Variants in PKD1L1 observed in about 807,000 individuals in gnomAD.
PKD1L1 encodes the protein polycystin-1-like protein 1.
Under a neutral mutation model 323.4 loss-of-function variants are expected in PKD1L1, and 236 were observed. The ratio of observed to expected loss-of-function variants is 0.73; its 90% CI spans 0.66 to 0.81. The LOEUF (loss-of-function observed/expected upper bound fraction) is 0.81. Among genes scored for constraint, PKD1L1 ranks in the 40% least tolerant of loss-of-function variants. PKD1L1 has a pLI of 0.00. For synonymous variants in PKD1L1, 1,344 were observed against 1,335.0 expected (o/e 1.01, Z -0.15); for missense variants, 3,320 against 3,508.0 (o/e 0.95, Z 1.35).
intron 31 of PKD1L1, among the ~76,000 whole-genome samples, chr7:47,847,304 A>G (rs1785686346): frequency 6.6e-6 from 1 of 152,178 alleles, no homozygotes; most frequent in Non-Finnish European, 1.5e-5. Flanking sequence ...AATGGTAGAG[A>G]ATTGGGAAGA....
At chr7:47,862,446 C>T (rs975457872) in intron 26 of PKD1L1, among the ~76,000 whole-genome samples, 9 of 152,124 alleles carry the variant, frequency 5.9e-5, no homozygotes, top group African/African-American at 9.7e-5. Flanking sequence ...ATCCATTGCC[C>T]ATCTCTCTTG....
chr7:47,957,470 A>G, the PKD1L1 span, among the ~76,000 whole-genome samples: 1 of 152,176 alleles, frequency 6.6e-6, no homozygotes, highest in Non-Finnish European at 1.5e-5. Flanking sequence ...AAAAACATTC[A>G]GTAAAGTTTC....
At chr7:47,808,527 A>AT in intron 51 of PKD1L1, 140 bp from the exon 52 acceptor site, 1 of 1,032,606 alleles carries the variant, frequency 9.7e-7, no homozygotes, top group Non-Finnish European at 1.4e-6. Context: ...TCGCTGGGTG[A>AT]TTTTGTCCTT....
chr7:47,916,834 C>A (rs972797273), intron 7 of PKD1L1, among the ~76,000 whole-genome samples: 1 of 152,186 alleles, frequency 6.6e-6, no homozygotes, highest in Non-Finnish European at 1.5e-5. Context: ...CAACAGCCTT[C>A]AGCCCTAGAC....
chr7:47,901,542 C>T (rs1787089481), intron 13 of PKD1L1, among the ~76,000 whole-genome samples: 1 of 152,092 alleles, frequency 6.6e-6, no homozygotes, highest in Admixed American at 6.5e-5. Flanking sequence ...TGCTTTAGTC[C>T]CTTTGCTATT....
intron 4 of PKD1L1, among the ~76,000 whole-genome samples, chr7:47,934,506 A>G (rs1198707356): frequency 6.6e-6 from 1 of 152,190 alleles, no homozygotes; most frequent in Admixed American, 6.5e-5. Flanking sequence ...TTTTTAGTCC[A>G]TTCATCATCC....
intron 24 of PKD1L1, among the ~76,000 whole-genome samples, chr7:47,871,392 TCCAAGGTGGCA>T (rs1562966565): frequency 6.6e-6 from 1 of 152,182 alleles, no homozygotes; most frequent in Non-Finnish European, 1.5e-5. Context: ...GCTCTCTGCT[TCCAAGGTGGCA>T]CCTGTTGCTG....
At chr7:47,825,984 G>A (rs1252193223) in intron 45 of PKD1L1, among the ~76,000 whole-genome samples, 1 of 152,048 alleles carries the variant, frequency 6.6e-6, no homozygotes, top group Non-Finnish European at 1.5e-5. Flanking sequence ...CCACCCCAGA[G>A]GGCTACGTCC....
intron 41 of PKD1L1, among the ~76,000 whole-genome samples, 158 bp from the exon 42 acceptor site, chr7:47,831,510 G>T (rs564483450): frequency 6.6e-6 from 1 of 152,300 alleles, no homozygotes; most frequent in African/African-American, 2.4e-5. Context: ...GGGGTTGGGG[G>T]TGTTTCCAGG....
At position 47,809,237 on chromosome 7, in the gene PKD1L1, A is replaced by T. The variant is rs4724646; in HGVS notation, c.7686+236T>A. The stretch of plus-strand genomic sequence containing the variant: ...GTGACAGAAATTTCTTAGCACCATA[A>T]GATCTTATGGGACCACCACCTTGGC... On this transcript the variant is annotated intron_variant, in intron 51 of 56. Transcript: ENST00000289672. The T allele has an allele frequency of 0.27, 97,991 of 362,878 alleles. 13,686 individuals are homozygous for T. Among genetic ancestry groups the T allele is most frequent in the Admixed American group, 0.32 (7,285 of 22,770 alleles). 22.5% of individuals were successfully genotyped at this position (362,878 alleles called of 1,614,324 possible).
Position 47,931,951 on chromosome 7 carries a change from G to T in PKD1L1, c.504C>A (p.Phe168Leu). The T allele has an allele frequency of 6.2e-7, 1 of 1,613,506 alleles. No homozygotes were observed. The highest frequency in any genetic ancestry group is 1.1e-5 in the South Asian group (1 of 91,006). The change falls in exon 5 of 57, where the codon TTC (phenylalanine) becomes TTA (leucine). Residue 168 changes from phenylalanine to leucine, a missense_variant. Coordinates refer to ENST00000289672, the MANE Select transcript of PKD1L1 (RefSeq NM_138295.5). Reference protein sequence around the residue: ...LCATGTADSTFSALLQLQGTT... With the variant: ...LCATGTADSTLSALLQLQGTT... ...AGATACCAACCTGGAGAAGAGCAGA[G>T]AATGTGCTGTCTGCGGTCCCAGTAG...
At chr7:47,843,980 G>A (rs1274627761) in intron 33 of PKD1L1, among the ~76,000 whole-genome samples, 1 of 151,288 alleles carries the variant, frequency 6.6e-6, no homozygotes, top group Non-Finnish European at 1.5e-5. Context: ...TCTGCCCCAC[G>A]AGCTCTGCAG....
chr7:47,797,539 AG>A (rs1176420491), intron 54 of PKD1L1, among the ~76,000 whole-genome samples: 1 of 152,206 alleles, frequency 6.6e-6, no homozygotes, highest in Non-Finnish European at 1.5e-5. Flanking sequence ...GCAGACAGCA[AG>A]ACCTGACTCT....
At chr7:47,932,207 C>T (rs1787785321) in intron 4 of PKD1L1, 151 bp from the exon 5 acceptor site, 1 of 1,284,090 alleles carries the variant, frequency 7.8e-7, no homozygotes, top group Non-Finnish European at 1.1e-6. Context: ...GAGTCAGGCC[C>T]AGGCTGACCA....
intron 46 of PKD1L1, among the ~76,000 whole-genome samples, chr7:47,816,186 C>A (rs1373682841): frequency 2.0e-5 from 3 of 152,210 alleles, no homozygotes; most frequent in Non-Finnish European, 4.4e-5. Flanking sequence ...TCCCAAGATG[C>A]CTGTGAGTGG....
At chr7:47,793,731 T>C (rs1787008568) in intron 55 of PKD1L1, among the ~76,000 whole-genome samples, 1 of 152,184 alleles carries the variant, frequency 6.6e-6, no homozygotes, top group East Asian at 1.9e-4. Context: ...TGGAACAGTT[T>C]GGAGGGCTCA....
At chr7:47,922,253 G>C (rs146920150) in intron 7 of PKD1L1, among the ~76,000 whole-genome samples, 8,418 of 152,218 alleles carry the variant, frequency 0.055, 794 homozygotes, top group African/African-American at 0.19. Flanking sequence ...GCGTGCTCTC[G>C]GCTCGCTACA....
At chr7:47,806,519 G>C (rs1784780937) in intron 52 of PKD1L1, among the ~76,000 whole-genome samples, 1 of 152,226 alleles carries the variant, frequency 6.6e-6, no homozygotes, top group Non-Finnish European at 1.5e-5. Context: ...GTCTGTCCCA[G>C]AGAGAGATGC....
At chr7:47,934,431 A>G (rs1275064370) in intron 4 of PKD1L1, among the ~76,000 whole-genome samples, 6 of 152,292 alleles carry the variant, frequency 3.9e-5, no homozygotes, top group African/African-American at 1.4e-4. Context: ...CGGCATGTCA[A>G]CCCGGATCTT....
Sources: allele counts gnomAD v4.1 joint callset (sites outside exome capture counted in the v4.1 genomes callset), GRCh38; gene constraint gnomAD v4.1.1; transcripts MANE v1.5; gene names NCBI Gene and HGNC (gene_info 2026-07-23, HGNC 2026-07-21).